The following PUDP variants were observed in gnomAD, a reference collection of about 807,000 sequenced individuals.
PUDP encodes pseudouridine-5'-phosphatase.
In PUDP, 8 loss-of-function variants were observed where a neutral mutation model predicts 9.4. The ratio of observed to expected loss-of-function variants is 0.85; its 90% CI spans 0.50 to 1.53. PUDP has a LOEUF of 1.53. Ranked by LOEUF, PUDP falls within the 40% of genes most tolerant of loss-of-function variation. The probability of loss-of-function intolerance (pLI) is 0.00; values close to 1 mark genes in which losing one functional copy is unlikely to be tolerated. For synonymous variants in PUDP, 99 were observed against 80.7 expected, an observed-to-expected ratio of 1.23 and a Z score of -1.22; for missense variants, 188 against 189.7, an observed-to-expected ratio of 0.99 and a Z score of 0.05.
chrX:6,741,813 TC>T (rs1924940311), intron 3 of PUDP, among the ~76,000 whole-genome samples: 1 of 97,270 alleles, frequency 1.0e-5, no homozygotes, highest in South Asian at 4.2e-4. Flanking sequence ...TAAATCTCTC[TC>T]TCTCTCTCTC....
chrX:6,803,909 A>G (rs1926006060), intron 3 of PUDP, among the ~76,000 whole-genome samples: 1 of 111,221 alleles, frequency 9.0e-6, no homozygotes, highest in Non-Finnish European at 1.9e-5. Flanking sequence ...TATTTTAATT[A>G]TAGTTGCAAG....
chrX:6,745,926 G>A lies in PUDP; in HGVS notation c.*248-39460C>T, dbSNP rs765203639. 1.9e-4 allele frequency among the ~76,000 whole-genome samples: 21 copies of A among 111,892 alleles called. No homozygotes were observed. In the South Asian group the frequency reaches 7.5e-3, roughly 40 times the overall value. On this transcript the variant is annotated intron_variant and NMD_transcript_variant, in intron 3 of 3. Coordinates refer to the PUDP transcript ENST00000655425. ...CCTAAAGTGCTGAAATTACAGGCAT[G>A]AGTCACTGCCCCCTGGCTCCCATGT...
chrX:6,740,577 G>C (rs1398317849), intron 3 of PUDP, among the ~76,000 whole-genome samples: 2 of 111,132 alleles, frequency 1.8e-5, no homozygotes, highest in Non-Finnish European at 3.8e-5. Flanking sequence ...GTGCCTGTCA[G>C]TATTGTAATC....
At chrX:7,019,704 A>C (rs61471675) in intron 1 of PUDP, among the ~76,000 whole-genome samples, 213 of 111,481 alleles carry the variant, frequency 1.9e-3, no homozygotes, top group African/African-American at 6.4e-3. Flanking sequence ...CAACCTCAAG[A>C]TGGTGTGAAA....
intron 3 of PUDP, among the ~76,000 whole-genome samples, chrX:6,876,543 T>C (rs1927256801): frequency 9.1e-6 from 1 of 109,900 alleles, no homozygotes; most frequent in African/African-American, 3.3e-5. Flanking sequence ...CACATATATG[T>C]ATAAACACAC....
chrX:7,101,992 G>A (rs1931749141), intron 2 of PUDP, among the ~76,000 whole-genome samples: 1 of 111,104 alleles, frequency 9.0e-6, no homozygotes, highest in Admixed American at 9.5e-5. Context: ...ATTTTGAGAA[G>A]GGGGAAAAAA....
chrX:7,130,514 T>C (rs1353881854), intron 1 of PUDP, among the ~76,000 whole-genome samples: 1 of 110,949 alleles, frequency 9.0e-6, no homozygotes, highest in African/African-American at 3.3e-5. Context: ...TAGAAATAAG[T>C]TTAAAATGGC....
chrX:6,866,309 G>A (rs1022404149), intron 3 of PUDP, among the ~76,000 whole-genome samples: 3 of 107,661 alleles, frequency 2.8e-5, no homozygotes, highest in Admixed American at 2.0e-4. Flanking sequence ...GATAGTATAC[G>A]GTTGTTAAAT....
At chrX:7,086,709 G>C (rs1468085355) in intron 2 of PUDP, among the ~76,000 whole-genome samples, 1 of 112,260 alleles carries the variant, frequency 8.9e-6, no homozygotes, top group Non-Finnish European at 1.9e-5. Context: ...CTGCTAGGGA[G>C]AGGGCCCTTG....
In PUDP at chrX:7,077,297, C is replaced by G. The variant is rs200357826; in HGVS notation, c.433G>C (p.Val145Leu). Residue 145 changes from valine (V) to leucine (L), a missense_variant, in exon 3 of 4, where the codon GTG (valine) becomes CTG (leucine). Val to Leu is a conservative substitution (Grantham distance 32, BLOSUM62 1). Coordinates refer to ENST00000381077, the MANE Select transcript of PUDP (RefSeq NM_012080.5). Reference sequence around the variant, plus strand: ...TCCGGGTCTGGCTTGCCATGCTGCACTTCGGGGTCATCTCCCAGCACAATG... The same window carrying G: ...TCCGGGTCTGGCTTGCCATGCTGCAGTTCGGGGTCATCTCCCAGCACAATG... Reference protein sequence around the residue: ...SHIVLGDDPEVQHGKPDPDIF... With the variant: ...SHIVLGDDPELQHGKPDPDIF... 31 of 1,207,842 alleles carry G rather than the reference C, an allele frequency of 2.6e-5. No homozygotes were observed. In the African/African-American group the frequency reaches 4.5e-4, roughly 18 times the overall value.
chrX:6,812,821 T>C (rs1170757913), intron 3 of PUDP, among the ~76,000 whole-genome samples: 2 of 112,151 alleles, frequency 1.8e-5, no homozygotes, highest in East Asian at 5.6e-4. Context: ...AGACTGCATG[T>C]GATGACTTAT....
At chrX:6,932,711 C>G (rs1438744457) in intron 3 of PUDP, among the ~76,000 whole-genome samples, 1 of 112,014 alleles carries the variant, frequency 8.9e-6, no homozygotes, top group East Asian at 2.9e-4. Context: ...AGTTCCCTTT[C>G]CAGGTCAAAG....
At chrX:6,854,026 C>T (rs1418571537) in intron 3 of PUDP, among the ~76,000 whole-genome samples, 5 of 111,681 alleles carry the variant, frequency 4.5e-5, no homozygotes, top group Admixed American at 9.5e-5. Flanking sequence ...AGCCTACTAA[C>T]GTGCTGGGAT....
intron 3 of PUDP, among the ~76,000 whole-genome samples, chrX:6,784,271 G>A (rs1351923794): frequency 9.0e-6 from 1 of 111,660 alleles, no homozygotes; most frequent in Non-Finnish European, 1.9e-5. Context: ...GAGTCTAATT[G>A]AGGCTTGCTG....
intron 1 of PUDP, among the ~76,000 whole-genome samples, chrX:7,129,840 TCAGA>T (rs1352738327): frequency 1.8e-5 from 2 of 111,360 alleles, no homozygotes; most frequent in East Asian, 2.8e-4. Flanking sequence ...AATGTCATAC[TCAGA>T]CAGCACACAG....
chrX:6,720,159 T>TATATGTGTGTATATAC (rs1924646083), intron 1 of PUDP, among the ~76,000 whole-genome samples: 3 of 100,641 alleles, frequency 3.0e-5, no homozygotes, highest in Admixed American at 2.2e-4. Flanking sequence ...TGTGTGTATA[T>TATATGTGTGTATATAC]ATATGTGTAT....
At chrX:6,973,313 T>C (rs1221658464) in intron 3 of PUDP, among the ~76,000 whole-genome samples, 1 of 112,152 alleles carries the variant, frequency 8.9e-6, no homozygotes, top group Non-Finnish European at 1.9e-5. Flanking sequence ...GTGTCAATTT[T>C]GGATCTTTCC....
chrX:6,916,651 G>A (rs1927939781), intron 3 of PUDP, among the ~76,000 whole-genome samples: 1 of 111,647 alleles, frequency 9.0e-6, no homozygotes, highest in Admixed American at 9.5e-5. Flanking sequence ...ATAGCCACAT[G>A]GTAAAGGTGG....
intron 3 of PUDP, among the ~76,000 whole-genome samples, chrX:6,840,431 T>C (rs936650003): frequency 8.9e-6 from 1 of 112,297 alleles, no homozygotes; most frequent in African/African-American, 3.2e-5. Context: ...AGAAATGAGC[T>C]ATCAAGCATG....
Sources: allele counts gnomAD v4.1 joint callset (sites outside exome capture counted in the v4.1 genomes callset), GRCh38; gene constraint gnomAD v4.1.1; transcripts MANE v1.5; gene names NCBI Gene and HGNC (gene_info 2026-07-23, HGNC 2026-07-21).